TMIGD3: variants seen among roughly 807,000 people sequenced by gnomAD.
TMIGD3 encodes the protein AD026 protein (AD026).
In TMIGD3, 21 loss-of-function variants were observed where a neutral mutation model predicts 28.1. The ratio of observed to expected loss-of-function variants is 0.75; its 90% CI spans 0.53 to 1.08. The LOEUF (loss-of-function observed/expected upper bound fraction) is 1.08, where lower values mean the gene tolerates loss of function less well. TMIGD3 is among the 50% of genes least tolerant of loss of function. The pLI, the probability that TMIGD3 is intolerant of heterozygous loss-of-function variation, is 0.00. For synonymous variants in TMIGD3, 151 were observed against 162.1 expected (o/e 0.93, Z 0.52); for missense variants, 416 against 435.6 (o/e 0.96, Z 0.40).
intron 1 of TMIGD3, among the ~76,000 whole-genome samples, chr1:111,492,930 T>C (rs1239971561): frequency 1.3e-5 from 2 of 152,166 alleles, no homozygotes; most frequent in East Asian, 3.8e-4. Flanking sequence ...TTCCATAGAA[T>C]TAACTTTCAT....
chr1:111,502,912 GGA>G (rs1655315477), intron 1 of TMIGD3, 91 bp downstream of exon 1: 1 of 1,475,692 alleles, frequency 6.8e-7, no homozygotes, highest in Admixed American at 2.1e-5. Context: ...GGGCCAATTT[GGA>G]TACATTTTTA....
chr1:111,541,748 A>G (rs143088239), intron 1 of TMIGD3, among the ~76,000 whole-genome samples: 243 of 152,262 alleles, frequency 1.6e-3, no homozygotes, highest in Middle Eastern at 3.4e-3. Context: ...AAGAAACCCA[A>G]CATTCAGTGG....
intron 1 of TMIGD3, among the ~76,000 whole-genome samples, chr1:111,510,859 G>C (rs563460126): frequency 6.6e-6 from 1 of 152,252 alleles, no homozygotes; most frequent in South Asian, 2.1e-4. Context: ...TCTCCCACAA[G>C]TGGTCCAAAA....
chr1:111,550,421 T>A (rs1657212934), intron 1 of TMIGD3, among the ~76,000 whole-genome samples: 1 of 152,200 alleles, frequency 6.6e-6, no homozygotes, highest in Non-Finnish European at 1.5e-5. Context: ...GAAGATCATG[T>A]TGTTGATTTG....
At chr1:111,543,225 G>C (rs562798506) in intron 1 of TMIGD3, among the ~76,000 whole-genome samples, 2 of 152,248 alleles carry the variant, frequency 1.3e-5, no homozygotes, top group African/African-American at 4.8e-5. Context: ...TCAAACTACA[G>C]TGATTCTGTG....
At chr1:111,563,045 T>G (rs1419795280) in intron 1 of TMIGD3, among the ~76,000 whole-genome samples, 1 of 152,204 alleles carries the variant, frequency 6.6e-6, no homozygotes, top group Non-Finnish European at 1.5e-5. Context: ...ATGAGAAAAC[T>G]AAGGCTTAAA....
chr1:111,499,672 A>G, intron 1 of TMIGD3: 10 of 1,206,570 alleles, frequency 8.3e-6, no homozygotes, highest in Non-Finnish European at 9.4e-6. Context: ...TTATTCTTCT[A>G]TTGGGAAGAA....
chr1:111,483,719 G>A lies in TMIGD3; in HGVS notation c.1012C>T (p.Pro338Ser). Residue 338 changes from proline (P) to serine (S), a missense_variant, in exon 6 of 6, where the codon CCA (proline) becomes TCA (serine). Pro to Ser is a moderately conservative substitution (Grantham distance 74, BLOSUM62 -1). Coordinates refer to ENST00000369716, the MANE Select transcript of TMIGD3 (RefSeq NM_020683.7). ...TLKPFSRVLT[P>S]KEMAPTEQM ...TGTTCAGTAGGAGCCATTTCCTTTGGAGTCAGGACACGCGAGAAGGGCTTC... is the reference window on the plus strand; with the variant it reads ...TGTTCAGTAGGAGCCATTTCCTTTGAAGTCAGGACACGCGAGAAGGGCTTC... The A allele has an allele frequency of 6.2e-7, 1 of 1,614,066 alleles. No homozygotes were observed. The highest frequency in any genetic ancestry group is 1.1e-5 in the South Asian group (1 of 91,086).
At chr1:111,489,126 A>C in intron 2 of TMIGD3, 102 bp from the exon 3 acceptor site, 9 of 1,161,316 alleles carry the variant, frequency 7.7e-6, no homozygotes, top group Non-Finnish European at 1.1e-5. Flanking sequence ...TAATTAAAGA[A>C]TCGGAGGCTG....
intron 1 of TMIGD3, chr1:111,499,858 T>C (rs1655071062): frequency 1.3e-6 from 2 of 1,543,856 alleles, no homozygotes. Context: ...ATCAAGGATG[T>C]AAAAATCCCT....
At chr1:111,517,492 T>C (rs1390814308) in intron 1 of TMIGD3, among the ~76,000 whole-genome samples, 1 of 152,234 alleles carries the variant, frequency 6.6e-6, no homozygotes, top group African/African-American at 2.4e-5. Flanking sequence ...AAATGTGTCC[T>C]ATTCTGAGAA....
intron 3 of TMIGD3, 93 bp from the exon 4 acceptor site, chr1:111,486,745 C>A: frequency 9.3e-7 from 1 of 1,069,674 alleles, no homozygotes; most frequent in Non-Finnish European, 1.4e-6. Context: ...ATTCTATGTC[C>A]AGAGAGTGAG....
intron 1 of TMIGD3, among the ~76,000 whole-genome samples, chr1:111,557,186 G>A (rs759199029): frequency 2.8e-4 from 42 of 152,054 alleles, no homozygotes; most frequent in Non-Finnish European, 5.6e-4. Flanking sequence ...GAAGGCAGAT[G>A]GAAAAGCATC....
chr1:111,504,122 C>G, upstream of TMIGD3: 1 of 985,390 alleles, frequency 1.0e-6, no homozygotes, highest in Non-Finnish European at 1.2e-6. Context: ...CAGCAAAGAT[C>G]CTTGGTCAAA....
chr1:111,512,592 C>T (rs571270670), intron 1 of TMIGD3, among the ~76,000 whole-genome samples: 42 of 152,340 alleles, frequency 2.8e-4, no homozygotes, highest in African/African-American at 9.9e-4. Flanking sequence ...TCCCCTGCAC[C>T]ACCACCTTGG....
rs12126504 is a variant in TMIGD3, at chr1:111,502,167, T to A, written c.350+838A>T. ...AATAAATATATAGGATATATATTTA[T>A]TATAATAAATATATAGGATATATAT... On this transcript the variant is annotated intron_variant, in intron 1 of 5. Coordinates refer to ENST00000369716, the MANE Select transcript of TMIGD3 (RefSeq NM_020683.7). Among the ~76,000 whole-genome samples the A allele has an allele frequency of 3.3e-3, 253 of 77,172 alleles. 3 individuals are homozygous for A. Among genetic ancestry groups the A allele is most frequent in the African/African-American group, 0.012 (203 of 17,152 alleles). The allele number at this position is 77,172 out of a possible 152,430, so 50.6% of individuals were successfully genotyped here.
chr1:111,488,429 C>T (rs1490355890), intron 3 of TMIGD3, among the ~76,000 whole-genome samples: 1 of 152,206 alleles, frequency 6.6e-6, no homozygotes, highest in Non-Finnish European at 1.5e-5. Context: ...AACCAGATTG[C>T]TGTAAGGGAA....
chr1:111,489,855 T>G (rs937157570), intron 2 of TMIGD3: 2 of 663,452 alleles, frequency 3.0e-6, no homozygotes, highest in Non-Finnish European at 3.7e-6. Context: ...CTCAGGATAT[T>G]GCACAATGAG....
At chr1:111,557,508 C>T (rs1657548657) in intron 1 of TMIGD3, among the ~76,000 whole-genome samples, 1 of 151,764 alleles carries the variant, frequency 6.6e-6, no homozygotes, top group African/African-American at 2.4e-5. Context: ...CGAGATCACA[C>T]CACTGCACTC....
Sources: allele counts gnomAD v4.1 joint callset (sites outside exome capture counted in the v4.1 genomes callset), GRCh38; gene constraint gnomAD v4.1.1; transcripts MANE v1.5; gene names NCBI Gene and HGNC (gene_info 2026-07-23, HGNC 2026-07-21).